SLC16A9: variants seen among roughly 807,000 people sequenced by gnomAD.
The protein encoded by SLC16A9 is solute carrier family 16 member 9.
In SLC16A9, 26 loss-of-function variants were observed where a neutral mutation model predicts 44.3. That is an observed-to-expected ratio of 0.59 (90% CI 0.43 to 0.81). The LOEUF is 0.81. SLC16A9 is among the 40% of genes least tolerant of loss of function. The pLI, the probability that SLC16A9 is intolerant of heterozygous loss-of-function variation, is 0.00. For missense variants in SLC16A9, 559 were observed against 595.8 expected (o/e 0.94, Z 0.64); for synonymous variants, 230 against 225.1 (o/e 1.02, Z -0.19).
chr10:59,670,611 A>G (rs749205100), intron 3 of SLC16A9, among the ~76,000 whole-genome samples: 1 of 152,218 alleles, frequency 6.6e-6, no homozygotes, highest in Non-Finnish European at 1.5e-5. Flanking sequence ...CAGACAAATG[A>G]AAGTCCTTAG....
Position 59,653,031 on chromosome 10 carries a change from A to G in SLC16A9, c.1352-81T>C, listed in dbSNP as rs567165216. 275 of 1,052,028 alleles carry G rather than the reference A, an allele frequency of 2.6e-4. 1 individual carries two copies. The African/African-American group carries it at 4.3e-3, about 17-fold the overall frequency. The allele number at this position is 1,052,028 out of a possible 1,614,324, so 65.2% of individuals were successfully genotyped here. ...CCCATACCCTAATTATATCAGTTTT[A>G]TATATAGTTATAATTAGTATATATA... On this transcript the variant is annotated intron_variant, in intron 5 of 5. Coordinates refer to ENST00000395348, the MANE Select transcript of SLC16A9 (RefSeq NM_194298.3).
chr10:59,701,582 A>C (rs879119827), intron 1 of SLC16A9, among the ~76,000 whole-genome samples: 1 of 152,226 alleles, frequency 6.6e-6, no homozygotes, highest in Admixed American at 6.5e-5. Context: ...AAAAATTATA[A>C]ACAAAAATGA....
chr10:59,650,941 T>C lies in SLC16A9; in HGVS notation c.*1831A>G, dbSNP rs1020406991. On this transcript the variant is annotated 3_prime_UTR_variant, in exon 6 of 6. Coordinates refer to ENST00000395348, the MANE Select transcript of SLC16A9 (RefSeq NM_194298.3). ...AACTTTTTCAGGTTATTGGGTTTCC[T>C]GAACATAACTGGCAAAAAGGAACTT... 1 of 151,836 alleles carries C rather than the reference T, an allele frequency of 6.6e-6. No homozygotes were observed. The highest frequency in any genetic ancestry group is 1.5e-5 in the Non-Finnish European group (1 of 68,012). The allele number at this position is 151,836 out of a possible 1,614,324, so 9.4% of individuals were successfully genotyped here. A position where few individuals can be genotyped will look rare whatever the true frequency, so the allele number is the denominator to read the frequency against.
intron 4 of SLC16A9, among the ~76,000 whole-genome samples, chr10:59,663,624 G>A (rs754868970): frequency 3.3e-5 from 5 of 152,044 alleles, no homozygotes; most frequent in African/African-American, 7.2e-5. Context: ...GGGGGGCTAC[G>A]GGAGGGATAG....
chr10:59,702,650 AT>A (rs1307788447), intron 1 of SLC16A9, among the ~76,000 whole-genome samples: 14 of 152,382 alleles, frequency 9.2e-5, no homozygotes, highest in African/African-American at 3.4e-4. Context: ...CATAAAGCAA[AT>A]AACACATCCC....
chr10:59,696,774 G>A (rs890649799), intron 1 of SLC16A9, among the ~76,000 whole-genome samples: 2 of 151,634 alleles, frequency 1.3e-5, no homozygotes, highest in Non-Finnish European at 2.9e-5. Context: ...GAAGTGAGGA[G>A]ACCCTCTGCC....
rs1029949786 is a variant in SLC16A9, at chr10:59,651,554, A to G, written c.*1218T>C. 1 of 152,192 alleles carries G rather than the reference A, an allele frequency of 6.6e-6. No homozygotes were observed. The highest frequency in any genetic ancestry group is 2.4e-5 in the African/African-American group (1 of 41,442). 9.4% of individuals were successfully genotyped at this position (152,192 alleles called of 1,614,324 possible). On this transcript the variant is annotated 3_prime_UTR_variant, in exon 6 of 6. Transcript: ENST00000395348. ...ATTAAAAGTTCTATGTGTGATACCCAGGTACCTATATTTTCAAAAAGATCT... is the reference window on the plus strand; with the variant it reads ...ATTAAAAGTTCTATGTGTGATACCCGGGTACCTATATTTTCAAAAAGATCT...
chr10:59,676,550 C>T (rs1375452539), intron 2 of SLC16A9, among the ~76,000 whole-genome samples: 1 of 152,062 alleles, frequency 6.6e-6, no homozygotes, highest in Non-Finnish European at 1.5e-5. Context: ...CACCTTTGAA[C>T]CTGAACAATT....
chr10:59,704,556 A>C (rs1222294227), intron 1 of SLC16A9, among the ~76,000 whole-genome samples: 1 of 152,264 alleles, frequency 6.6e-6, no homozygotes, highest in Non-Finnish European at 1.5e-5. Context: ...AGCCTGAGAA[A>C]AGATGGAAAG....
intron 3 of SLC16A9, among the ~76,000 whole-genome samples, chr10:59,669,286 T>C (rs906627937): frequency 6.6e-6 from 1 of 152,192 alleles, no homozygotes; most frequent in African/African-American, 2.4e-5. Flanking sequence ...CTCACTGTAT[T>C]GCCTTTTGCC....
intron 1 of SLC16A9, among the ~76,000 whole-genome samples, chr10:59,684,806 T>G (rs919862179): frequency 1.2e-4 from 19 of 152,312 alleles, no homozygotes; most frequent in Non-Finnish European, 2.5e-4. Flanking sequence ...TTTCTAAAGT[T>G]GGGATGACCC....
rs1262570771 is a variant in SLC16A9, at chr10:59,681,678, GTATA to G, written c.196+2414_196+2417del. 2.5e-3 allele frequency among the ~76,000 whole-genome samples: 101 copies of G among 40,508 alleles called. 49 individuals are homozygous for G. Among genetic ancestry groups the G allele is most frequent in the Non-Finnish European group, 3.0e-3 (76 of 25,474 alleles). 26.6% of individuals were successfully genotyped at this position (40,508 alleles called of 152,430 possible). A position where few individuals can be genotyped will look rare whatever the true frequency, so the allele number is the denominator to read the frequency against. ...ATATGTATATGATGTATATGTATATGTATATGTATATGTATATATATATGTATAT... is the reference window on the plus strand; with the variant it reads ...ATATGTATATGATGTATATGTATATGTGTATATGTATATATATATGTATAT... On this transcript the variant is annotated intron_variant, in intron 2 of 5. Coordinates refer to ENST00000395348, the MANE Select transcript of SLC16A9 (RefSeq NM_194298.3).
rs541079093 is a variant in SLC16A9 at position 59,652,964 on chromosome 10, A to T, written c.1352-14T>A. The T allele has an allele frequency of 2.9e-4, 460 of 1,591,302 alleles. 8 individuals carry two copies. In the South Asian group the frequency reaches 3.6e-3, roughly 12 times the overall value. On this transcript the variant is annotated splice_polypyrimidine_tract_variant and intron_variant, in intron 5 of 5. Transcript: ENST00000395348. ...CATAAAACCAACCTGAAAAGGCAGT[A>T]AGAAAAAAAGTAAGTTTCATGGAAA...
At chr10:59,658,350 T>C (rs1839395296) in intron 4 of SLC16A9, among the ~76,000 whole-genome samples, 2 of 44,606 alleles carry the variant, frequency 4.5e-5, no homozygotes, top group South Asian at 4.5e-3. Context: ...CATGGGACTC[T>C]GTCACAGGCC....
chr10:59,683,623 G>T (rs16913961), intron 2 of SLC16A9, among the ~76,000 whole-genome samples: 11,304 of 152,254 alleles, frequency 0.074, 572 homozygotes, highest in African/African-American at 0.13. Context: ...ATCTGAAACA[G>T]AGAAGAGTAA....
At chr10:59,708,158 G>T (rs1840686302) in intron 1 of SLC16A9, among the ~76,000 whole-genome samples, 1 of 152,138 alleles carries the variant, frequency 6.6e-6, no homozygotes, top group Admixed American at 6.5e-5. Flanking sequence ...GGGAGAGCGG[G>T]ACTGGTTTCT....
chr10:59,654,275 T>C lies in SLC16A9; in HGVS notation c.751A>G (p.Ser251Gly). ...ACTGTGGGGTTTTTATGAAGTAGGC[T>C]GTCTTGTTTCCAGTCACCATTGGCT... ...TLANGDWKQD[S>G]LLHKNPTVTH... Residue 251 changes from serine (S) to glycine (G), a missense_variant, in exon 5 of 6, where the codon AGC (serine) becomes GGC (glycine). Physicochemically the swap from Ser to Gly is moderately conservative, Grantham distance 56. Transcript: ENST00000395348. 6.2e-7 allele frequency: 1 copy of C among 1,614,214 alleles called. No homozygotes were observed.
intron 1 of SLC16A9, among the ~76,000 whole-genome samples, chr10:59,707,280 A>AGGGG (rs1840661994): frequency 8.4e-5 from 2 of 23,678 alleles, no homozygotes; most frequent in South Asian, 2.1e-3. Context: ...GAGAGGAGGG[A>AGGGG]AGGGAAGGGA....
rs917131067 is a variant in SLC16A9, at chr10:59,651,781, A to G, written c.*991T>C. 3 of 150,402 alleles carry G rather than the reference A, an allele frequency of 2.0e-5. No homozygotes were observed. Among genetic ancestry groups the G allele is most frequent in the African/African-American group, 7.5e-5 (3 of 39,994 alleles). The allele number at this position is 150,402 out of a possible 1,614,324, so 9.3% of individuals were successfully genotyped here. ...ATGCATAGCACACACACACACACAC[A>G]CACACACTCACGTTTAATTCTGCCC... is the stretch of plus-strand genomic sequence containing the variant. On this transcript the variant is annotated 3_prime_UTR_variant, in exon 6 of 6. Coordinates refer to ENST00000395348, the MANE Select transcript of SLC16A9 (RefSeq NM_194298.3).
Sources: allele counts gnomAD v4.1 joint callset (sites outside exome capture counted in the v4.1 genomes callset), GRCh38; gene constraint gnomAD v4.1.1; transcripts MANE v1.5; gene names NCBI Gene and HGNC (gene_info 2026-07-23, HGNC 2026-07-21).